The following SFMBT2 variants were observed in gnomAD, a reference collection of about 807,000 sequenced individuals.
SFMBT2 encodes scm-like with four MBT domains protein 2.
A neutral mutation model predicts 110.1 loss-of-function variants in SFMBT2; 38 were observed. That is an observed-to-expected ratio of 0.35 (90% CI 0.27 to 0.45). The LOEUF (loss-of-function observed/expected upper bound fraction) is 0.45. Ranked by LOEUF, SFMBT2 falls within the 20% of genes least tolerant of loss-of-function variation. The pLI is 1.00. For synonymous variants in SFMBT2, 425 were observed against 425.4 expected (o/e 1.00, Z 0.01); for missense variants, 1,011 against 1,094.9 (o/e 0.92, Z 1.08).
Position 7,367,628 on chromosome 10 carries a change from G to C in SFMBT2, c.436+21C>G. The C allele has an allele frequency of 6.3e-7, 1 of 1,599,184 alleles. No individual in the cohort carries two copies. The highest frequency in any genetic ancestry group is 8.5e-7 in the Non-Finnish European group (1 of 1,170,674). ...GAAGGATGGCGGCTCGTAAATCGAA[G>C]CCTTTGAAACAGGGGCTCACCGTCC... On this transcript the variant is annotated intron_variant, in intron 4 of 20. Transcript: ENST00000397167. This position sits in a 1 kb window ranked among gnomAD's most constrained non-coding sequence, Gnocchi z 6.2.
chr10:7,269,715 C>CGTGTGT (rs35063251), intron 7 of SFMBT2, among the ~76,000 whole-genome samples: 76 of 38,534 alleles, frequency 2.0e-3, no homozygotes, highest in Admixed American at 7.6e-3. Context: ...TAAGTGTGTG[C>CGTGTGT]GTGTGTGTGT....
intron 1 of SFMBT2, among the ~76,000 whole-genome samples, chr10:7,403,824 G>A (rs1184754521): frequency 1.3e-5 from 2 of 152,170 alleles, no homozygotes; most frequent in Non-Finnish European, 2.9e-5. Flanking sequence ...TGTTTCCTCT[G>A]TAAAAGGAGG....
chr10:7,249,081 T>C, intron 7 of SFMBT2: 1 of 980,978 alleles, frequency 1.0e-6, no homozygotes, highest in Non-Finnish European at 1.2e-6. Context: ...CCACCTCCCG[T>C]GTCTAAGAGC....
intron 7 of SFMBT2, among the ~76,000 whole-genome samples, chr10:7,272,894 G>C (rs1190229858): frequency 6.6e-6 from 1 of 152,184 alleles, no homozygotes; most frequent in Non-Finnish European, 1.5e-5. Context: ...CCGGGTTCAA[G>C]GAATCCTCCT....
intron 4 of SFMBT2, chr10:7,348,016 T>A: frequency 3.3e-6 from 1 of 303,882 alleles, no homozygotes; most frequent in Non-Finnish European, 6.0e-6. Context: ...GTAAAGTACA[T>A]ACTGCTTTCT....
chr10:7,248,476 C>A (rs929109237), intron 8 of SFMBT2, 72 bp downstream of exon 8: 10 of 1,258,868 alleles, frequency 7.9e-6, no homozygotes, highest in South Asian at 1.2e-5. Context: ...GTCATCTGGT[C>A]GTCTTTGAGT....
At chr10:7,366,432 A>C (rs1231542156) in intron 4 of SFMBT2, among the ~76,000 whole-genome samples, 1 of 137,442 alleles carries the variant, frequency 7.3e-6, no homozygotes, top group Non-Finnish European at 1.6e-5. Flanking sequence ...ATATCATAAC[A>C]AAAAAAAAAA....
At chr10:7,185,762 C>T (rs1039478122) in intron 16 of SFMBT2, among the ~76,000 whole-genome samples, 5 of 152,084 alleles carry the variant, frequency 3.3e-5, no homozygotes, top group African/African-American at 1.2e-4. Flanking sequence ...TATTTTCCCT[C>T]AAGAAGATTC....
intron 7 of SFMBT2, among the ~76,000 whole-genome samples, chr10:7,254,830 A>C (rs1165746221): frequency 6.6e-6 from 1 of 152,130 alleles, no homozygotes; most frequent in African/African-American, 2.4e-5. Flanking sequence ...CCGTCTAAAA[A>C]AAAAGATTCT....
upstream of SFMBT2, among the ~76,000 whole-genome samples, chr10:7,411,100 T>TTG (rs1434055392): frequency 7.7e-4 from 112 of 144,948 alleles, no homozygotes; most frequent in African/African-American, 2.6e-3. Flanking sequence ...TTTTAAGATT[T>TTG]TGTGTGTGTG....
chr10:7,279,997 GGGATGCC>G (rs1841904134), intron 6 of SFMBT2, among the ~76,000 whole-genome samples: 1 of 152,198 alleles, frequency 6.6e-6, no homozygotes, highest in Non-Finnish European at 1.5e-5. Context: ...TAACCCCAAA[GGGATGCC>G]TTTGGGAGAT....
intron 2 of SFMBT2, among the ~76,000 whole-genome samples, chr10:7,377,568 G>A (rs1238885934): frequency 6.6e-6 from 1 of 152,160 alleles, no homozygotes; most frequent in Admixed American, 6.5e-5. Flanking sequence ...CCCATCTGGG[G>A]GTGATGGGAG....
At chr10:7,230,235 C>T (rs1840076303) in intron 9 of SFMBT2, among the ~76,000 whole-genome samples, 1 of 152,084 alleles carries the variant, frequency 6.6e-6, no homozygotes, top group African/African-American at 2.4e-5. Context: ...TCCACCTGCC[C>T]TTTCTCCTGC....
chr10:7,314,329 A>T (rs893628915), intron 4 of SFMBT2, among the ~76,000 whole-genome samples: 1 of 152,210 alleles, frequency 6.6e-6, no homozygotes, highest in Admixed American at 6.5e-5. Context: ...CTTATTTACA[A>T]GTTACAGAAA....
intron 9 of SFMBT2, chr10:7,241,179 A>G (rs533070397): frequency 4.4e-5 from 10 of 225,412 alleles, no homozygotes; most frequent in African/African-American, 1.4e-4. Flanking sequence ...ATTGCCTTCC[A>G]CCATGATTAG....
chr10:7,393,036 A>ATT (rs376854239), intron 1 of SFMBT2, among the ~76,000 whole-genome samples: 11 of 18,432 alleles, frequency 6.0e-4, no homozygotes, highest in South Asian at 2.9e-3. Flanking sequence ...TATATATATA[A>ATT]TTTTTTTTTT....
At chr10:7,177,720 T>G (rs1838113882) in intron 16 of SFMBT2, among the ~76,000 whole-genome samples, 1 of 151,912 alleles carries the variant, frequency 6.6e-6, no homozygotes, top group Non-Finnish European at 1.5e-5. Flanking sequence ...TTAAAAACTA[T>G]GGGCACGGTG....
At chr10:7,317,505 G>A (rs544765690) in intron 4 of SFMBT2, among the ~76,000 whole-genome samples, 1 of 152,060 alleles carries the variant, frequency 6.6e-6, no homozygotes, top group African/African-American at 2.4e-5. Flanking sequence ...GCCAGGCGTG[G>A]TGGCGCATGC....
chr10:7,401,657 G>T (rs1846086438), intron 1 of SFMBT2, among the ~76,000 whole-genome samples: 1 of 152,096 alleles, frequency 6.6e-6, no homozygotes, highest in African/African-American at 2.4e-5. Context: ...ATGGGCTCAG[G>T]ATCAACCCTG....
Sources: gnomAD v4.1 joint callset for allele counts (sites outside exome capture counted in the v4.1 genomes callset) on GRCh38, gnomAD v4.1.1 for gene constraint, Gnocchi (gnomAD v3.1) non-coding constraint, MANE v1.5 for transcripts, NCBI Gene and HGNC (gene_info 2026-07-23, HGNC 2026-07-21) for gene names.